CDK19: variants seen among roughly 807,000 people sequenced by gnomAD.
CDK19 encodes cyclin dependent kinase 19.
CDK19 carries 20 observed loss-of-function variants against 68.3 expected under a neutral mutation model. The observed-to-expected ratio is 0.29, with a 90% CI of 0.21 to 0.43. CDK19 has a LOEUF of 0.43. Ranked by LOEUF, CDK19 falls within the 20% of genes least tolerant of loss-of-function variation. The pLI is 1.00. For missense variants in CDK19, 339 were observed against 623.5 expected, an observed-to-expected ratio of 0.54 and a Z score of 4.86; for synonymous variants, 221 against 222.8, an observed-to-expected ratio of 0.99 and a Z score of 0.07.
chr6:110,673,101 C>T (rs1771155812), intron 2 of CDK19, among the ~76,000 whole-genome samples: 1 of 152,086 alleles, frequency 6.6e-6, no homozygotes, highest in East Asian at 1.9e-4. Context: ...CTCCAGGTTG[C>T]CCCCTACCCC....
chr6:110,743,258 G>T (rs1406177526), intron 2 of CDK19, among the ~76,000 whole-genome samples: 1 of 152,094 alleles, frequency 6.6e-6, no homozygotes, highest in Non-Finnish European at 1.5e-5. Flanking sequence ...TATCATGTTG[G>T]GGTTAAGTAT....
intron 4 of CDK19, among the ~76,000 whole-genome samples, chr6:110,641,006 G>A (rs1780111704): frequency 6.6e-6 from 1 of 152,074 alleles, no homozygotes; most frequent in African/African-American, 2.4e-5. Context: ...AAATGCCTAA[G>A]TCATACTAGC....
chr6:110,812,841 T>C (rs1040467046), intron 1 of CDK19, among the ~76,000 whole-genome samples: 1 of 149,948 alleles, frequency 6.7e-6, no homozygotes, highest in African/African-American at 2.5e-5. Flanking sequence ...AAATTTAACA[T>C]GAACCCAAAG....
chr6:110,739,635 CA>C (rs967646499), intron 2 of CDK19, among the ~76,000 whole-genome samples: 5 of 151,016 alleles, frequency 3.3e-5, no homozygotes, highest in South Asian at 2.1e-4. Flanking sequence ...TATATATATA[CA>C]TTTTTTTTTT....
At chr6:110,776,322 G>T (rs1016081172) in intron 1 of CDK19, among the ~76,000 whole-genome samples, 1 of 151,914 alleles carries the variant, frequency 6.6e-6, no homozygotes, top group Non-Finnish European at 1.5e-5. Context: ...CCAGCTGCTC[G>T]AGAGGCTGAG....
At chr6:110,753,934 G>A (rs543696591) in intron 1 of CDK19, among the ~76,000 whole-genome samples, 4 of 151,838 alleles carry the variant, frequency 2.6e-5, no homozygotes, top group Non-Finnish European at 5.9e-5. Context: ...TGAACTGTCA[G>A]TGCACTTCCA....
At chr6:110,766,849 A>G (rs1340965057) in intron 1 of CDK19, among the ~76,000 whole-genome samples, 1 of 151,464 alleles carries the variant, frequency 6.6e-6, no homozygotes, top group Admixed American at 6.6e-5. Context: ...AAATAAACAA[A>G]TAAGGCTGGG....
intron 1 of CDK19, among the ~76,000 whole-genome samples, chr6:110,789,003 A>C (rs1284472949): frequency 2.0e-5 from 3 of 152,208 alleles, no homozygotes; most frequent in Admixed American, 2.0e-4. Flanking sequence ...ATCACTTTTT[A>C]CTGCTACATC....
At chr6:110,802,457 A>G (rs943203964) in intron 1 of CDK19, among the ~76,000 whole-genome samples, 2 of 152,212 alleles carry the variant, frequency 1.3e-5, no homozygotes, top group Admixed American at 1.3e-4. Context: ...GTCCTCACTT[A>G]TAAGTGGGAG....
chr6:110,705,906 T>C (rs1455399378), intron 2 of CDK19, among the ~76,000 whole-genome samples: 1 of 152,000 alleles, frequency 6.6e-6, no homozygotes, highest in Non-Finnish European at 1.5e-5. Flanking sequence ...AGATGATGGG[T>C]TGATGGGTGC....
chr6:110,614,262 C>A lies in CDK19; in HGVS notation c.*273G>T, dbSNP rs1363206713. The A allele has an allele frequency of 1.0e-5, 3 of 293,616 alleles. No individual in the cohort carries two copies. The highest frequency in any genetic ancestry group is 6.3e-5 in the African/African-American group (3 of 47,294). 18.2% of individuals were successfully genotyped at this position (293,616 alleles called of 1,614,324 possible). Reference sequence around the variant, plus strand: ...TCCTTCAAAGAAATGCTGAAGGTTACAGAAGTGCTGGGATTAGATCAGACG... The same window carrying A: ...TCCTTCAAAGAAATGCTGAAGGTTAAAGAAGTGCTGGGATTAGATCAGACG... On this transcript the variant is annotated 3_prime_UTR_variant, in exon 13 of 13. Coordinates refer to ENST00000368911, the MANE Select transcript of CDK19 (RefSeq NM_015076.5).
intron 2 of CDK19, among the ~76,000 whole-genome samples, chr6:110,743,084 G>T (rs139792459): frequency 2.8e-3 from 419 of 152,102 alleles, no homozygotes; most frequent in Non-Finnish European, 4.8e-3. Context: ...TTCTCAGACC[G>T]GCTGACACTT....
intron 1 of CDK19, among the ~76,000 whole-genome samples, chr6:110,801,908 A>C (rs983859946): frequency 2.6e-5 from 4 of 152,244 alleles, no homozygotes; most frequent in Non-Finnish European, 1.5e-5. Flanking sequence ...AAGACATACA[A>C]GTAGCGAAAA....
At chr6:110,686,607 C>T (rs1248980562) in intron 2 of CDK19, among the ~76,000 whole-genome samples, 1 of 152,110 alleles carries the variant, frequency 6.6e-6, no homozygotes, top group East Asian at 1.9e-4. Context: ...ATGAAAGTAA[C>T]AGTACATGAA....
intron 2 of CDK19, among the ~76,000 whole-genome samples, chr6:110,732,087 T>C (rs1470151033): frequency 6.6e-6 from 1 of 152,076 alleles, no homozygotes; most frequent in Non-Finnish European, 1.5e-5. Context: ...CTTGGCTCTT[T>C]TGCTCAGTAA....
intron 2 of CDK19, among the ~76,000 whole-genome samples, chr6:110,697,355 A>G (rs1165914508): frequency 2.0e-5 from 3 of 152,166 alleles, no homozygotes; most frequent in Admixed American, 6.5e-5. Flanking sequence ...CAAGCTGAGA[A>G]TGAAAGCAAG....
intron 2 of CDK19, among the ~76,000 whole-genome samples, chr6:110,683,702 T>G (rs1394530510): frequency 1.1e-5 from 1 of 94,726 alleles, no homozygotes; most frequent in East Asian, 4.5e-4. Context: ...GTATTTAATC[T>G]TTTTTTTTTT....
intron 1 of CDK19, among the ~76,000 whole-genome samples, chr6:110,753,886 A>G (rs1456664378): frequency 6.6e-6 from 1 of 152,050 alleles, no homozygotes; most frequent in Non-Finnish European, 1.5e-5. Flanking sequence ...TGTTGATAAT[A>G]TTTCCCCAAG....
intron 2 of CDK19, among the ~76,000 whole-genome samples, chr6:110,745,043 A>G (rs1172819477): frequency 6.6e-6 from 1 of 152,220 alleles, no homozygotes; most frequent in Non-Finnish European, 1.5e-5. Flanking sequence ...ATTTAAATAA[A>G]TTTCTAACAA....
Sources: allele counts gnomAD v4.1 joint callset (sites outside exome capture counted in the v4.1 genomes callset), GRCh38; gene constraint gnomAD v4.1.1; transcripts MANE v1.5; gene names NCBI Gene and HGNC (gene_info 2026-07-23, HGNC 2026-07-21).